Variants in SPATA6 observed in about 807,000 individuals in gnomAD.
SPATA6 encodes spermatogenesis associated 6, also known as spermatogenesis-associated protein 6.
In SPATA6, 56 loss-of-function variants were observed where a neutral mutation model predicts 65.3. The observed-to-expected ratio is 0.86, with a 90% CI of 0.69 to 1.07. The LOEUF (loss-of-function observed/expected upper bound fraction) is 1.07, where lower values mean the gene tolerates loss of function less well. Among genes scored for constraint, SPATA6 ranks in the 50% least tolerant of loss-of-function variants. The pLI, the probability that SPATA6 is intolerant of heterozygous loss-of-function variation, is 0.00. For missense variants in SPATA6, 590 were observed against 594.8 expected (o/e 0.99, Z 0.08); for synonymous variants, 199 against 213.2 (o/e 0.93, Z 0.58).
At chr1:48,453,963 G>T (rs938056126) in intron 1 of SPATA6, among the ~76,000 whole-genome samples, 1 of 149,166 alleles carries the variant, frequency 6.7e-6, no homozygotes, top group Non-Finnish European at 1.5e-5. Context: ...AAAAAAGACA[G>T]AAAGAAGTAC....
rs1557517643 is a variant in SPATA6, at chr1:48,297,391, T to C, written c.*1322A>G. On this transcript the variant is annotated 3_prime_UTR_variant, in exon 13 of 13. Coordinates refer to ENST00000371847, the MANE Select transcript of SPATA6 (RefSeq NM_019073.4). ...ACTAAAGCCTAGGACTCCTGGCTCATAGAGATAGCTCTAATGCCCTTTCTG... is the reference window on the plus strand; with the variant it reads ...ACTAAAGCCTAGGACTCCTGGCTCACAGAGATAGCTCTAATGCCCTTTCTG... 2 of 152,106 alleles carry C rather than the reference T, an allele frequency of 1.3e-5. No homozygotes were observed. The highest frequency in any genetic ancestry group is 2.4e-5 in the African/African-American group (1 of 41,424). The allele number at this position is 152,106 out of a possible 1,614,324, so 9.4% of individuals were successfully genotyped here.
chr1:48,344,781 G>A (rs1646316957), intron 11 of SPATA6, among the ~76,000 whole-genome samples: 1 of 152,052 alleles, frequency 6.6e-6, no homozygotes, highest in East Asian at 1.9e-4. Context: ...ACAAAGAAGG[G>A]CATTACATAA....
intron 1 of SPATA6, among the ~76,000 whole-genome samples, chr1:48,467,924 C>T (rs759097380): frequency 2.0e-5 from 3 of 151,940 alleles, no homozygotes; most frequent in Non-Finnish European, 4.4e-5. Flanking sequence ...AAAGGGGAAC[C>T]CTTGTACACC....
rs537056370 is a variant in SPATA6, at chr1:48,399,333, G to T, written c.780+18C>A. 204 of 1,599,730 alleles carry T rather than the reference G, an allele frequency of 1.3e-4. No homozygotes were observed. Among genetic ancestry groups the T allele is most frequent in the Non-Finnish European group, 1.7e-4 (197 of 1,173,920 alleles). ...AAGCTGATCAGTTTCAAATAGAAAT[G>T]CTTAAGAGAACACATACATGTCTAA... On this transcript the variant is annotated intron_variant, in intron 7 of 12. Coordinates refer to ENST00000371847, the MANE Select transcript of SPATA6 (RefSeq NM_019073.4).
At chr1:48,332,488 A>C (rs1441204534) in intron 11 of SPATA6, among the ~76,000 whole-genome samples, 1 of 152,200 alleles carries the variant, frequency 6.6e-6, no homozygotes, top group East Asian at 1.9e-4. Context: ...GAAGACAAAG[A>C]AGGGCATTAC....
At chr1:48,286,633 G>A in the SPATA6 span, among the ~76,000 whole-genome samples, 1 of 152,004 alleles carries the variant, frequency 6.6e-6, no homozygotes, top group African/African-American at 2.4e-5. Flanking sequence ...CAATTTAGAT[G>A]CCTTTTTAAA....
rs1644854466 is a variant in SPATA6 at position 48,298,531 on chromosome 1, A to G, written c.*182T>C. 2 of 551,462 alleles carry G rather than the reference A, an allele frequency of 3.6e-6. No individual in the cohort carries two copies. Among genetic ancestry groups the G allele is most frequent in the Non-Finnish European group, 6.1e-6 (2 of 330,202 alleles). 34.2% of individuals were successfully genotyped at this position (551,462 alleles called of 1,614,324 possible). On this transcript the variant is annotated 3_prime_UTR_variant, in exon 13 of 13. Transcript: ENST00000371847. ...TAACACAGCAGACTCTTCTGTAATA[A>G]TTATTTTAAAAGGCTTGCCTATGAT...
chr1:48,274,227 G>C, the SPATA6 span, among the ~76,000 whole-genome samples: 1 of 151,968 alleles, frequency 6.6e-6, no homozygotes, highest in East Asian at 1.9e-4. Context: ...AAGTTCCATA[G>C]ATTCTGGATA....
chr1:48,402,696 T>C (rs1243900788), intron 6 of SPATA6: 2 of 152,316 alleles, frequency 1.3e-5, no homozygotes, highest in African/African-American at 4.8e-5. Flanking sequence ...ATGCAGTAAA[T>C]GAACAATCCA....
downstream of SPATA6, among the ~76,000 whole-genome samples, chr1:48,291,872 C>G (rs1480992705): frequency 6.6e-6 from 1 of 152,192 alleles, no homozygotes; most frequent in Admixed American, 6.5e-5. Flanking sequence ...GTTAGCCCTG[C>G]CTCCTAGCCA....
chr1:48,376,781 C>T (rs112866516), intron 9 of SPATA6, among the ~76,000 whole-genome samples: 1 of 152,108 alleles, frequency 6.6e-6, no homozygotes, highest in Non-Finnish European at 1.5e-5. Context: ...CTACAACATA[C>T]CTAGGCTATA....
chr1:48,311,976 A>AC (rs1466495340), intron 11 of SPATA6, among the ~76,000 whole-genome samples: 2 of 152,194 alleles, frequency 1.3e-5, no homozygotes, highest in Admixed American at 1.3e-4. Context: ...CATTGCTACC[A>AC]CAACAGTCTG....
chr1:48,272,123 TATAAA>T, the SPATA6 span, among the ~76,000 whole-genome samples: 1 of 152,188 alleles, frequency 6.6e-6, no homozygotes, highest in African/African-American at 2.4e-5. Flanking sequence ...ATGTATACAC[TATAAA>T]ATGATGTCAA....
intron 3 of SPATA6, among the ~76,000 whole-genome samples, chr1:48,416,342 C>CATAT (rs373747672): frequency 2.4e-4 from 37 of 151,762 alleles, no homozygotes; most frequent in Admixed American, 2.0e-3. Flanking sequence ...GTGAAATATC[C>CATAT]ATATATATAT....
At chr1:48,344,686 C>T (rs926510531) in intron 11 of SPATA6, among the ~76,000 whole-genome samples, 5 of 152,070 alleles carry the variant, frequency 3.3e-5, no homozygotes, top group African/African-American at 4.8e-5. Context: ...GGAGAAAAAT[C>T]TACAAAGCAA....
chr1:48,314,045 T>A (rs1645319222), intron 11 of SPATA6, among the ~76,000 whole-genome samples: 1 of 152,016 alleles, frequency 6.6e-6, no homozygotes, highest in Non-Finnish European at 1.5e-5. Flanking sequence ...ATAAAGCAAG[T>A]CCTTAGAGAC....
chr1:48,288,496 G>A, the SPATA6 span, among the ~76,000 whole-genome samples: 4 of 152,302 alleles, frequency 2.6e-5, no homozygotes, highest in South Asian at 4.1e-4. Context: ...CAAACACTGG[G>A]TGCAGGACAG....
chr1:48,348,569 T>C (rs976742431), intron 11 of SPATA6, among the ~76,000 whole-genome samples: 3 of 152,034 alleles, frequency 2.0e-5, no homozygotes, highest in African/African-American at 7.2e-5. Flanking sequence ...GTACTTTCCC[T>C]ACCCCAGCCC....
intron 11 of SPATA6, chr1:48,344,065 C>A (rs1410737383): frequency 6.6e-6 from 1 of 152,004 alleles, no homozygotes; most frequent in Non-Finnish European, 1.5e-5. Flanking sequence ...CTGACTACTA[C>A]AATTAAAACA....
Sources: allele counts gnomAD v4.1 joint callset (sites outside exome capture counted in the v4.1 genomes callset), GRCh38; gene constraint gnomAD v4.1.1; transcripts MANE v1.5; gene names NCBI Gene and HGNC (gene_info 2026-07-23, HGNC 2026-07-21).